The following SPMIP4 variants were observed in gnomAD, a reference collection of about 807,000 sequenced individuals.
SPMIP4 encodes the protein sperm microtubule inner protein 4.
At chr7:25,125,839 G>C in the SPMIP4 span, 2 of 853,268 alleles carry the variant, frequency 2.3e-6, no homozygotes, top group East Asian at 2.4e-4. Context: ...TACACGAGTT[G>C]GGCACCAGCT....
At chr7:25,142,984 T>C in the SPMIP4 span, among the ~76,000 whole-genome samples, 1 of 152,172 alleles carries the variant, frequency 6.6e-6, no homozygotes. Context: ...TGGAACCATA[T>C]ATAGAGTTAA....
At chr7:25,143,281 G>GTA in the SPMIP4 span, among the ~76,000 whole-genome samples, 1 of 152,128 alleles carries the variant, frequency 6.6e-6, no homozygotes, top group Non-Finnish European at 1.5e-5. Flanking sequence ...TTCTTCAGAC[G>GTA]TAACTAGAGA....
chr7:25,172,486 G>A, the SPMIP4 span, among the ~76,000 whole-genome samples: 3 of 152,176 alleles, frequency 2.0e-5, no homozygotes, highest in African/African-American at 7.2e-5. This position sits in a 1 kb window ranked among gnomAD's most constrained non-coding sequence, Gnocchi z 4.2. Context: ...CATGTAGCAT[G>A]GCATGGTGTG....
the SPMIP4 span, among the ~76,000 whole-genome samples, chr7:25,148,354 C>A: frequency 6.6e-6 from 1 of 152,058 alleles, no homozygotes; most frequent in Non-Finnish European, 1.5e-5. Flanking sequence ...CAGGAGGATG[C>A]AGAAGGCCAG....
the SPMIP4 span, chr7:25,136,392 T>C: frequency 1.2e-4 from 198 of 1,614,018 alleles, no homozygotes; most frequent in Non-Finnish European, 1.6e-4. This position sits in a 1 kb window ranked among gnomAD's most constrained non-coding sequence, Gnocchi z 5.7. Flanking sequence ...AAGGTGTGGG[T>C]TGGGTTTTTA....
At chr7:25,177,026 G>T in the SPMIP4 span, among the ~76,000 whole-genome samples, 55,021 of 152,114 alleles carry the variant, frequency 0.36, 12,242 homozygotes, top group Non-Finnish European at 0.5. Context: ...GATGATGAAT[G>T]ACTATTCTGC....
the SPMIP4 span, among the ~76,000 whole-genome samples, chr7:25,127,764 T>G: frequency 6.6e-6 from 1 of 152,256 alleles, no homozygotes; most frequent in Non-Finnish European, 1.5e-5. Context: ...TGTTGGTGTC[T>G]GGGCACTGAA....
the SPMIP4 span, chr7:25,135,700 T>C: frequency 1.0e-6 from 1 of 960,182 alleles, no homozygotes; most frequent in Non-Finnish European, 1.3e-6. Flanking sequence ...GAAAATTTCC[T>C]TGTATAATCT....
chr7:25,153,599 A>G, the SPMIP4 span, among the ~76,000 whole-genome samples: 5 of 152,140 alleles, frequency 3.3e-5, no homozygotes, highest in African/African-American at 1.2e-4. Context: ...AATTCAACAC[A>G]TATTTCTGTG....
chr7:25,139,479 G>A, the SPMIP4 span, among the ~76,000 whole-genome samples: 1 of 151,972 alleles, frequency 6.6e-6, no homozygotes, highest in Admixed American at 6.6e-5. Context: ...ACCAAAGAAT[G>A]TATGTATAAT....
At chr7:25,130,290 G>A in the SPMIP4 span, among the ~76,000 whole-genome samples, 1 of 151,270 alleles carries the variant, frequency 6.6e-6, no homozygotes, top group Non-Finnish European at 1.5e-5. Context: ...AGCAAGCTGG[G>A]GACAGTGGCT....
At chr7:25,127,718 G>A in the SPMIP4 span, among the ~76,000 whole-genome samples, 1 of 152,180 alleles carries the variant, frequency 6.6e-6, no homozygotes, top group Non-Finnish European at 1.5e-5. Context: ...TGGTGAGGTC[G>A]TGTTTACCAG....
chr7:25,164,749 C>T, the SPMIP4 span, among the ~76,000 whole-genome samples: 3 of 152,160 alleles, frequency 2.0e-5, no homozygotes, highest in Admixed American at 2.0e-4. Flanking sequence ...ACACTGTACC[C>T]AATGTGTAGT....
At chr7:25,149,471 C>A in the SPMIP4 span, among the ~76,000 whole-genome samples, 1 of 151,716 alleles carries the variant, frequency 6.6e-6, no homozygotes, top group Admixed American at 6.6e-5. Flanking sequence ...TAGGGATGAG[C>A]CAGAAGAAAA....
the SPMIP4 span, chr7:25,136,596 G>C: frequency 6.2e-7 from 1 of 1,614,190 alleles, no homozygotes; most frequent in African/African-American, 1.3e-5. The surrounding 1 kb of genome is among the most constrained non-coding windows in gnomAD (Gnocchi z 5.7). Context: ...CGGCTGGTAT[G>C]TTATCACTAA....
the SPMIP4 span, chr7:25,142,240 C>A: frequency 6.2e-7 from 1 of 1,608,776 alleles, no homozygotes; most frequent in Non-Finnish European, 8.5e-7. Flanking sequence ...CAATTACTTA[C>A]CGGCTCTGGG....
At chr7:25,166,249 C>T in the SPMIP4 span, among the ~76,000 whole-genome samples, 15 of 9,086 alleles carry the variant, frequency 1.7e-3, no homozygotes, top group South Asian at 3.8e-3. Context: ...TTTTTTGAGA[C>T]GGAGTTTCAC....
chr7:25,133,482 T>C, the SPMIP4 span, among the ~76,000 whole-genome samples: 1 of 152,316 alleles, frequency 6.6e-6, no homozygotes, highest in Middle Eastern at 3.4e-3. Context: ...GAAGTGAGGA[T>C]AGAATGGTTC....
the SPMIP4 span, among the ~76,000 whole-genome samples, chr7:25,169,649 C>T: frequency 2.1e-3 from 325 of 152,270 alleles, 2 homozygotes; most frequent in African/African-American, 7.5e-3. Context: ...TGGCTCACTG[C>T]AGCCTCTACC....
Sources: allele counts gnomAD v4.1 joint callset (sites outside exome capture counted in the v4.1 genomes callset), GRCh38; gene constraint gnomAD v4.1.1; non-coding constraint Gnocchi (gnomAD v3.1); transcripts MANE v1.5; gene names NCBI Gene and HGNC (gene_info 2026-07-23, HGNC 2026-07-21).